FSD1: variants seen among roughly 807,000 people sequenced by gnomAD.
FSD1 encodes the protein fibronectin type III and SPRY domain containing 1.
In FSD1, 23 loss-of-function variants were observed where a neutral mutation model predicts 58.2. The ratio of observed to expected loss-of-function variants is 0.40; its 90% CI spans 0.28 to 0.56. The LOEUF (loss-of-function observed/expected upper bound fraction) is 0.56, where lower values mean the gene tolerates loss of function less well. Among genes scored for constraint, FSD1 ranks in the 20% least tolerant of loss-of-function variants. The pLI is 0.54. For missense variants in FSD1, 563 were observed against 670.8 expected, an observed-to-expected ratio of 0.84 and a Z score of 1.78; for synonymous variants, 265 against 263.4, an observed-to-expected ratio of 1.01 and a Z score of -0.06.
chr19:4,311,787 T>TGCA, intron 6 of FSD1, 55 bp from the exon 7 acceptor site: 1 of 1,554,258 alleles, frequency 6.4e-7, no homozygotes, highest in South Asian at 1.1e-5. Flanking sequence ...GCAAGCCCCC[T>TGCA]GCCCCCTGAA....
chr19:4,308,258 A>G (rs542458647), intron 4 of FSD1, among the ~76,000 whole-genome samples: 1 of 152,188 alleles, frequency 6.6e-6, no homozygotes, highest in Non-Finnish European at 1.5e-5. Flanking sequence ...AAATACAAAC[A>G]TTAGCTGGAT....
intron 4 of FSD1, among the ~76,000 whole-genome samples, chr19:4,309,475 G>A (rs1971663630): frequency 6.6e-6 from 1 of 152,182 alleles, no homozygotes; most frequent in South Asian, 2.1e-4. Flanking sequence ...GTGGGCAGGA[G>A]GTTGGGGTGG....
In FSD1 at chr19:4,316,983, C is replaced by T. The variant is rs138553834; in HGVS notation, c.701-199C>T. On this transcript the variant is annotated intron_variant, in intron 7 of 12. Coordinates refer to ENST00000221856, the MANE Select transcript of FSD1 (RefSeq NM_024333.3). ...GGTCAGGCTGGTCTCGAACTCCCAA[C>T]CTCAGTTGATCCATGCGCCTCGGCC... Among the ~76,000 whole-genome samples, 1,131 of 152,236 alleles carry T rather than the reference C, an allele frequency of 7.4e-3. 24 individuals are homozygous for T. The highest frequency in any genetic ancestry group is 0.038 in the Admixed American group (587 of 15,282).
In FSD1 at chr19:4,304,686, G is replaced by C. The variant is rs982507998; in HGVS notation, c.-61G>C. The C allele has an allele frequency of 8.6e-7, 1 of 1,163,150 alleles. No homozygotes were observed. Among genetic ancestry groups the C allele is most frequent in the East Asian group, 3.2e-5 (1 of 31,170 alleles). 72.1% of individuals were successfully genotyped at this position (1,163,150 alleles called of 1,614,324 possible). A position where few individuals can be genotyped will look rare whatever the true frequency, so the allele number is the denominator to read the frequency against. Reference sequence around the variant, plus strand: ...TTGGCTACCGGCCGCGGCAAAGGCAGCTTGGGGACCCAGCGTGCGCGGGGC... The same window carrying C: ...TTGGCTACCGGCCGCGGCAAAGGCACCTTGGGGACCCAGCGTGCGCGGGGC... On this transcript the variant is annotated 5_prime_UTR_variant, in exon 1 of 13. Coordinates refer to ENST00000221856, the MANE Select transcript of FSD1 (RefSeq NM_024333.3).
At chr19:4,314,600 T>C (rs1238466114) in intron 7 of FSD1, among the ~76,000 whole-genome samples, 3 of 151,630 alleles carry the variant, frequency 2.0e-5, no homozygotes, top group African/African-American at 4.8e-5. Context: ...AATTCTCCTG[T>C]CTCAGCCTCC....
chr19:4,314,136 C>T (rs545370016), intron 7 of FSD1, among the ~76,000 whole-genome samples: 10 of 152,226 alleles, frequency 6.6e-5, no homozygotes, highest in African/African-American at 2.2e-4. Context: ...TGCTTTTGGG[C>T]TGTAATCAGC....
At chr19:4,321,605 A>G (rs1971819373) in intron 10 of FSD1, among the ~76,000 whole-genome samples, 1 of 145,744 alleles carries the variant, frequency 6.9e-6, no homozygotes, top group African/African-American at 2.6e-5. Flanking sequence ...CAAGCCAGAG[A>G]AGTATCTGGA....
Position 4,316,118 on chromosome 19 carries a change from T to C in FSD1, c.701-1064T>C, listed in dbSNP as rs142542681. Among the ~76,000 whole-genome samples, 227 of 151,906 alleles carry C rather than the reference T, an allele frequency of 1.5e-3. 2 individuals carry two copies. In the South Asian group the frequency reaches 0.019, roughly 13 times the overall value. Reference sequence around the variant, plus strand: ...CTATGTAGCACAGGCTGGAGTGCAGTGATGCAATCATAGCTCACTGCAGCT... The same window carrying C: ...CTATGTAGCACAGGCTGGAGTGCAGCGATGCAATCATAGCTCACTGCAGCT... On this transcript the variant is annotated intron_variant, in intron 7 of 12. Coordinates refer to ENST00000221856, the MANE Select transcript of FSD1 (RefSeq NM_024333.3).
At chr19:4,320,684 G>T (rs1302926621) in intron 10 of FSD1, among the ~76,000 whole-genome samples, 1 of 152,080 alleles carries the variant, frequency 6.6e-6, no homozygotes, top group Non-Finnish European at 1.5e-5. Flanking sequence ...GGGAATAGCT[G>T]GGACTTGAGG....
Position 4,304,711 on chromosome 19 carries a change from C to A in FSD1, c.-36C>A. On this transcript the variant is annotated 5_prime_UTR_variant, in exon 1 of 13. Transcript: ENST00000221856. ...GCTTGGGGACCCAGCGTGCGCGGGG[C>A]CCGCGGGCCGGGCCGGGGTGACCTG... is the stretch of plus-strand genomic sequence containing the variant. The A allele has an allele frequency of 8.2e-7, 1 of 1,220,588 alleles. No homozygotes were observed. The highest frequency in any genetic ancestry group is 1.0e-6 in the Non-Finnish European group (1 of 978,418). The allele number at this position is 1,220,588 out of a possible 1,614,324, so 75.6% of individuals were successfully genotyped here.
intron 4 of FSD1, among the ~76,000 whole-genome samples, chr19:4,308,730 C>T (rs1327503126): frequency 1.3e-5 from 2 of 152,026 alleles, no homozygotes; most frequent in African/African-American, 4.8e-5. Context: ...TGGTGGCGGG[C>T]ACCTGTAGTT....
intron 10 of FSD1, among the ~76,000 whole-genome samples, chr19:4,322,633 G>T (rs112533260): frequency 6.6e-6 from 1 of 150,874 alleles, no homozygotes; most frequent in Admixed American, 6.6e-5. Flanking sequence ...GGAATAGCTG[G>T]GGCCCAAGGA....
chr19:4,317,696 G>A (rs755829906), intron 8 of FSD1, among the ~76,000 whole-genome samples: 16 of 152,138 alleles, frequency 1.1e-4, no homozygotes, highest in Non-Finnish European at 1.5e-4. Context: ...GTCCTCCATG[G>A]AAGCACAGGG....
chr19:4,318,326 C>A lies in FSD1; in HGVS notation c.800-20C>A, dbSNP rs1342005474. On this transcript the variant is annotated intron_variant, in intron 8 of 12. Transcript: ENST00000221856. ...CCGGGTTTCCCCATCTCTGTGACTC[C>A]CACGTCTGCCCGGCCCCAGCGTTCA... The A allele has an allele frequency of 6.2e-7, 1 of 1,613,648 alleles. No individual in the cohort carries two copies. The highest frequency in any genetic ancestry group is 8.5e-7 in the Non-Finnish European group (1 of 1,179,972).
At chr19:4,314,879 A>G (rs1971736544) in intron 7 of FSD1, among the ~76,000 whole-genome samples, 1 of 152,210 alleles carries the variant, frequency 6.6e-6, no homozygotes, top group African/African-American at 2.4e-5. Context: ...CGGTCAAAGT[A>G]TAGATCTCTT....
chr19:4,318,324 TC>T (rs755262065), intron 8 of FSD1, 21 bp from the exon 9 acceptor site: 1 of 1,613,650 alleles, frequency 6.2e-7, no homozygotes, highest in Non-Finnish European at 8.5e-7. Flanking sequence ...TCTCTGTGAC[TC>T]CCACGTCTGC....
rs1311823800 is a variant in FSD1, at chr19:4,318,391, G to A, written c.845G>A (p.Arg282Gln). 22 of 1,613,736 alleles carry A rather than the reference G, an allele frequency of 1.4e-5. No individual in the cohort carries two copies. The highest frequency in any genetic ancestry group is 1.7e-5 in the Non-Finnish European group (20 of 1,180,002). ...GCGTCCACATCCCACCAGAACCTGC[G>A]GGTGGATGATCTCTCCGTGGAGTGG... ...LDASTSHQNL[R>Q]VDDLSVEWDA... is the part of the protein sequence containing the mutation. Residue 282 changes from arginine to glutamine, a missense_variant, in exon 9 of 13, where the codon CGG (arginine) becomes CAG (glutamine). Arg to Gln is a conservative substitution (Grantham distance 43, BLOSUM62 1). Coordinates refer to ENST00000221856, the MANE Select transcript of FSD1 (RefSeq NM_024333.3).
At chr19:4,313,781 T>A (rs1212479639) in intron 7 of FSD1, among the ~76,000 whole-genome samples, 1 of 149,718 alleles carries the variant, frequency 6.7e-6, no homozygotes, top group Non-Finnish European at 1.5e-5. Context: ...ATCCCAGCAC[T>A]TTGGGAGGCT....
At chr19:4,308,191 T>G (rs1189571370) in intron 4 of FSD1, among the ~76,000 whole-genome samples, 14 of 151,880 alleles carry the variant, frequency 9.2e-5, no homozygotes, top group Admixed American at 9.2e-4. Flanking sequence ...GTGGATCACC[T>G]GAGGTCAGGA....
Sources: gnomAD v4.1 joint callset for allele counts (sites outside exome capture counted in the v4.1 genomes callset) on GRCh38, gnomAD v4.1.1 for gene constraint, MANE v1.5 for transcripts, NCBI Gene and HGNC (gene_info 2026-07-23, HGNC 2026-07-21) for gene names.